The following MTHFD2L variants were observed in gnomAD, a reference collection of about 807,000 sequenced individuals.
The protein encoded by MTHFD2L is bifunctional methylenetetrahydrofolate dehydrogenase/cyclohydrolase 2, mitochondrial.
A neutral mutation model predicts 34.9 loss-of-function variants in MTHFD2L; 29 were observed. That is an observed-to-expected ratio of 0.83 (90% CI 0.62 to 1.13). The LOEUF is 1.13. Ranked by LOEUF, MTHFD2L falls within the 50% of genes most tolerant of loss-of-function variation. The pLI, the probability that MTHFD2L is intolerant of heterozygous loss-of-function variation, is 0.00. For missense variants in MTHFD2L, 481 were observed against 446.5 expected (o/e 1.08, Z -0.70); for synonymous variants, 167 against 155.7 (o/e 1.07, Z -0.54).
At chr4:74,257,356 A>T (rs1744154062) in intron 6 of MTHFD2L, among the ~76,000 whole-genome samples, 1 of 152,188 alleles carries the variant, frequency 6.6e-6, no homozygotes, top group Admixed American at 6.5e-5. Flanking sequence ...ATAAAAAAGT[A>T]AGTTCAACTA....
intron 7 of MTHFD2L, chr4:74,293,528 T>G (rs780659181): frequency 2.0e-6 from 2 of 984,312 alleles, no homozygotes; most frequent in African/African-American, 3.5e-5. Context: ...TTTAGAAAAC[T>G]TGTGGAAACC....
At chr4:74,211,142 A>G (rs1736243050) in intron 5 of MTHFD2L, among the ~76,000 whole-genome samples, 2 of 152,174 alleles carry the variant, frequency 1.3e-5, no homozygotes. Flanking sequence ...AGACAATATG[A>G]CTTCCTCTCT....
intron 6 of MTHFD2L, among the ~76,000 whole-genome samples, chr4:74,231,411 A>G (rs1740037883): frequency 6.6e-6 from 1 of 151,782 alleles, no homozygotes; most frequent in Non-Finnish European, 1.5e-5. Context: ...AGCTCATGCA[A>G]CCCGGGAGTA....
chr4:74,302,707 G>T lies in MTHFD2L; in HGVS notation c.*898G>T, dbSNP rs1190735706. On this transcript the variant is annotated 3_prime_UTR_variant, in exon 8 of 8. Transcript: ENST00000325278. Reference sequence around the variant, plus strand: ...TAAAGAACAGCAACTGTTAATGTTTGTTCACAAATTCAGAAATCTAATAGG... The same window carrying T: ...TAAAGAACAGCAACTGTTAATGTTTTTTCACAAATTCAGAAATCTAATAGG... The T allele has an allele frequency of 6.6e-6, 1 of 152,072 alleles. No homozygotes were observed. The highest frequency in any genetic ancestry group is 2.4e-5 in the African/African-American group (1 of 41,436). 9.4% of individuals were successfully genotyped at this position (152,072 alleles called of 1,614,324 possible). A position where few individuals can be genotyped will look rare whatever the true frequency, so the allele number is the denominator to read the frequency against.
chr4:74,232,750 A>T (rs988744867), intron 6 of MTHFD2L, among the ~76,000 whole-genome samples: 1 of 152,180 alleles, frequency 6.6e-6, no homozygotes, highest in Non-Finnish European at 1.5e-5. Flanking sequence ...TATTTAAACA[A>T]TTCTTTTGCC....
chr4:74,269,069 G>T (rs560783050), intron 6 of MTHFD2L, among the ~76,000 whole-genome samples: 1 of 152,162 alleles, frequency 6.6e-6, no homozygotes, highest in South Asian at 2.1e-4. Context: ...ATGATCCATT[G>T]GTTCATTTAC....
chr4:74,254,949 A>G (rs1032367578), intron 6 of MTHFD2L, among the ~76,000 whole-genome samples: 1 of 151,922 alleles, frequency 6.6e-6, no homozygotes, highest in Non-Finnish European at 1.5e-5. Context: ...AGCCTGGCCA[A>G]TGTGGTAAAA....
At chr4:74,125,853 G>GA (rs1211180408) in intron 1 of MTHFD2L, among the ~76,000 whole-genome samples, 53 of 152,168 alleles carry the variant, frequency 3.5e-4, no homozygotes, top group African/African-American at 1.3e-3. Context: ...AAATGAATAA[G>GA]AAAAAATTAA....
chr4:74,174,522 A>C lies in MTHFD2L; in HGVS notation c.160A>C (p.Ile54Leu). Residue 54 changes from isoleucine (I) to leucine (L), a missense_variant, in exon 2 of 8, where the codon ATA (isoleucine) becomes CTA (leucine). By Grantham distance (5) the Ile-to-Leu change is conservative. Transcript: ENST00000325278. Reference sequence around the variant, plus strand: ...TTTCCACAGACATGAAGCCATTATTATATCAGGAACCGAAATGGCCAAGCA... The same window carrying C: ...TTTCCACAGACATGAAGCCATTATTCTATCAGGAACCGAAATGGCCAAGCA... ...SSGVRHEAIIISGTEMAKHIQ... is the reference protein window; with the variant it reads ...SSGVRHEAIILSGTEMAKHIQ... 2 of 1,556,128 alleles carry C rather than the reference A, an allele frequency of 1.3e-6. No homozygotes were observed. Among genetic ancestry groups the C allele is most frequent in the Non-Finnish European group, 1.7e-6 (2 of 1,154,440 alleles).
At chr4:74,118,695 C>T (rs1721697700), upstream of MTHFD2L, among the ~76,000 whole-genome samples, 1 of 152,210 alleles carries the variant, frequency 6.6e-6, no homozygotes. Flanking sequence ...TCCCCAAACC[C>T]TGAGCCAAGA....
chr4:74,238,901 T>A (rs1189748993), intron 6 of MTHFD2L, among the ~76,000 whole-genome samples: 1 of 152,188 alleles, frequency 6.6e-6, no homozygotes, highest in Non-Finnish European at 1.5e-5. Context: ...TGTAAACTAG[T>A]TCAACCATTG....
At chr4:74,282,831 A>G (rs1443672530) in intron 7 of MTHFD2L, among the ~76,000 whole-genome samples, 1 of 152,136 alleles carries the variant, frequency 6.6e-6, no homozygotes, top group African/African-American at 2.4e-5. Context: ...GAACATGTCT[A>G]TCTGTACGTA....
intron 1 of MTHFD2L, among the ~76,000 whole-genome samples, chr4:74,147,679 T>C (rs1723677821): frequency 2.0e-5 from 3 of 152,088 alleles, no homozygotes; most frequent in South Asian, 4.1e-4. Flanking sequence ...CCAACACTTG[T>C]TATTTTGTTT....
At position 74,175,407 on chromosome 4, in the gene MTHFD2L, C is replaced by T; in HGVS notation, c.451+4C>T. On this transcript the variant is annotated splice_donor_region_variant and intron_variant, in intron 3 of 7. Coordinates refer to ENST00000325278, the MANE Select transcript of MTHFD2L (RefSeq NM_001144978.3). ...TTAGTTCAGTTACCACTACCAGGTACATAATGCTCCTCTTATTTATCTGAT... is the reference window on the plus strand; with the variant it reads ...TTAGTTCAGTTACCACTACCAGGTATATAATGCTCCTCTTATTTATCTGAT... 1 of 1,603,150 alleles carries T rather than the reference C, an allele frequency of 6.2e-7. No individual in the cohort carries two copies. Among genetic ancestry groups the T allele is most frequent in the Non-Finnish European group, 8.5e-7 (1 of 1,176,138 alleles).
At chr4:74,244,284 T>C (rs1742114481) in intron 6 of MTHFD2L, among the ~76,000 whole-genome samples, 1 of 152,176 alleles carries the variant, frequency 6.6e-6, no homozygotes, top group African/African-American at 2.4e-5. Context: ...TAGTCTTCAC[T>C]TGGGGGTAGA....
rs184641049 is a variant in MTHFD2L, at chr4:74,279,730, C to T, written c.806-1695C>T. ...TATGTCTTCTTTTTCTATTGGATGC[C>T]AAGAAGAAACAGGATTTTATGACTA... is the stretch of plus-strand genomic sequence containing the variant. On this transcript the variant is annotated intron_variant, in intron 6 of 7. Transcript: ENST00000325278. Among the ~76,000 whole-genome samples the T allele has an allele frequency of 5.3e-5, 8 of 151,932 alleles. No homozygotes were observed. In the East Asian group the frequency reaches 1.6e-3, roughly 29 times the overall value.
intron 6 of MTHFD2L, among the ~76,000 whole-genome samples, chr4:74,265,642 T>A (rs1001669600): frequency 6.6e-6 from 1 of 152,206 alleles, no homozygotes; most frequent in African/African-American, 2.4e-5. Context: ...ACCTGAAATC[T>A]GAACTTGAGC....
chr4:74,195,444 A>C (rs1039957725), intron 3 of MTHFD2L: 19 of 152,228 alleles, frequency 1.2e-4, no homozygotes, highest in African/African-American at 4.3e-4. Context: ...GTAGAGTAGT[A>C]TCATGAACAT....
intron 2 of MTHFD2L, among the ~76,000 whole-genome samples, chr4:74,175,063 T>C (rs1413821889): frequency 6.6e-6 from 1 of 152,160 alleles, no homozygotes; most frequent in Non-Finnish European, 1.5e-5. Flanking sequence ...CAGTAGCTTA[T>C]CTCAAACAAG....
Sources: gnomAD v4.1 joint callset for allele counts (sites outside exome capture counted in the v4.1 genomes callset) on GRCh38, gnomAD v4.1.1 for gene constraint, MANE v1.5 for transcripts, NCBI Gene and HGNC (gene_info 2026-07-23, HGNC 2026-07-21) for gene names.